The following SNX25 variants were observed in gnomAD, a reference collection of about 807,000 sequenced individuals.
SNX25 encodes the protein sorting nexin-25.
Under a neutral mutation model 113.7 loss-of-function variants are expected in SNX25, and 62 were observed. That is an observed-to-expected ratio of 0.55 (90% confidence interval 0.44 to 0.67). SNX25 has a LOEUF of 0.67. SNX25 is among the 30% of genes least tolerant of loss of function. SNX25 has a pLI of 0.00. For missense variants in SNX25, 1,014 were observed against 1,161.0 expected, an observed-to-expected ratio of 0.87 and a Z score of 1.84; for synonymous variants, 421 against 436.2, an observed-to-expected ratio of 0.97 and a Z score of 0.43.
chr4:185,357,977 C>T (rs1167252211), intron 16 of SNX25, among the ~76,000 whole-genome samples: 3 of 152,136 alleles, frequency 2.0e-5, no homozygotes, highest in Non-Finnish European at 2.9e-5. Context: ...CTCTGACTGG[C>T]GAGGGTCAGG....
rs551389233 is a variant in SNX25, at chr4:185,342,892, T to A, written c.2187+776T>A. 1.4e-4 allele frequency among the ~76,000 whole-genome samples: 22 copies of A among 152,168 alleles called. No individual in the cohort carries two copies. The East Asian group carries it at 1.5e-3, about 11-fold the overall frequency. On this transcript the variant is annotated intron_variant, in intron 12 of 18. Transcript: ENST00000652585. ...TATTTATTTATTTATCTATTTATTT[T>A]TATATATATATTTTTTGAGACGGAG... is the stretch of plus-strand genomic sequence containing the variant.
In SNX25 at chr4:185,210,690, G is replaced by A. The variant is rs1295814741; in HGVS notation, c.429+435G>A. On this transcript the variant is annotated intron_variant, in intron 1 of 18. Transcript: ENST00000652585. This position sits in a 1 kb window ranked among gnomAD's most constrained non-coding sequence, Gnocchi z 4.4. ...GGAGGCAACTTTATGACCGTTTGCC[G>A]ATGAGGAAACTTGCTTCGGTCCCTG... Among the ~76,000 whole-genome samples, 1 of 151,848 alleles carries A rather than the reference G, an allele frequency of 6.6e-6. No individual in the cohort carries two copies. The highest frequency in any genetic ancestry group is 2.4e-5 in the African/African-American group (1 of 41,344).
At chr4:185,374,054 C>T (rs1481762329), downstream of SNX25, 2 of 1,138,770 alleles carry the variant, frequency 1.8e-6, no homozygotes, top group Non-Finnish European at 2.6e-6. Context: ...AAACGACATT[C>T]CCCACCATTT....
intron 6 of SNX25, among the ~76,000 whole-genome samples, chr4:185,299,523 C>G (rs1753332726): frequency 6.6e-6 from 1 of 152,124 alleles, no homozygotes; most frequent in African/African-American, 2.4e-5. Context: ...CCGACTGGTT[C>G]CCTGATGATG....
At chr4:185,316,272 T>C (rs1475387837) in intron 7 of SNX25, among the ~76,000 whole-genome samples, 3 of 152,204 alleles carry the variant, frequency 2.0e-5, no homozygotes, top group Non-Finnish European at 4.4e-5. Flanking sequence ...AGAACAGTTA[T>C]TATTAACAAG....
chr4:185,295,065 A>G lies in SNX25; in HGVS notation c.1162+6983A>G, dbSNP rs913873277. On this transcript the variant is annotated intron_variant, in intron 6 of 18. Transcript: ENST00000652585. The stretch of plus-strand genomic sequence containing the variant: ...ATTGACCTTCCCTTTAATTTATTTC[A>G]ATAAGAATGTGTTTCCCCCTCCCAT... Among the ~76,000 whole-genome samples, 10 of 152,280 alleles carry G rather than the reference A, an allele frequency of 6.6e-5. 1 individual carries two copies. The South Asian group carries it at 2.1e-3, about 32-fold the overall frequency.
In SNX25 at chr4:185,264,615, A is replaced by G. The variant is rs1450862703; in HGVS notation, c.904+5A>G. ...CAGAAATTCTCACAACAAAAGGTAG[A>G]CTTATACAGTTGATTTCACTAATTC... On this transcript the variant is annotated splice_donor_5th_base_variant and intron_variant, in intron 4 of 18. Transcript: ENST00000652585. 3 of 1,613,456 alleles carry G rather than the reference A, an allele frequency of 1.9e-6. No homozygotes were observed. In the South Asian group the frequency reaches 3.3e-5, roughly 18 times the overall value.
Position 185,363,266 on chromosome 4 carries a change from TG to T in SNX25, c.2935-118del. The T allele has an allele frequency of 1.2e-6, 1 of 826,532 alleles. No individual in the cohort carries two copies. 51.2% of individuals were successfully genotyped at this position (826,532 alleles called of 1,614,324 possible). ...TATTAAATACTGTTTGAGAGTTACTTGTTTACTGAGATAATTTCAGACCTAA... is the reference window on the plus strand; with the variant it reads ...TATTAAATACTGTTTGAGAGTTACTTTTTACTGAGATAATTTCAGACCTAA... On this transcript the variant is annotated intron_variant, in intron 18 of 18. Coordinates refer to ENST00000652585, the MANE Select transcript of SNX25 (RefSeq NM_001378034.2). This position sits in a 1 kb window ranked among gnomAD's most constrained non-coding sequence, Gnocchi z 4.2.
chr4:185,225,487 T>C (rs1389298184), intron 1 of SNX25, among the ~76,000 whole-genome samples: 1 of 152,228 alleles, frequency 6.6e-6, no homozygotes, highest in Non-Finnish European at 1.5e-5. Context: ...TAATCCTCTA[T>C]GTCATTTGCT....
chr4:185,249,331 A>G (rs1745313953), intron 2 of SNX25, among the ~76,000 whole-genome samples: 1 of 152,136 alleles, frequency 6.6e-6, no homozygotes, highest in African/African-American at 2.4e-5. Context: ...TCTTTTAGCC[A>G]TTCTGATGGG....
In SNX25 at chr4:185,264,600, C is replaced by T. The variant is rs753143497; in HGVS notation, c.894C>T (p.Leu298=). The change falls in exon 4 of 19, where the codon CTC becomes CTT. Residue 298 remains leucine, a synonymous_variant. Coordinates refer to ENST00000652585, the MANE Select transcript of SNX25 (RefSeq NM_001378034.2). ...TACGTATAATGCTTGCAGAAATTCT[C>T]ACAACAAAAGGTAGACTTATACAGT... The part of the protein sequence containing the change: ...LSLRIMLAEI[L]TTKVLKPVVE... 1.2e-6 allele frequency: 2 copies of T among 1,613,916 alleles called. No homozygotes were observed. The highest frequency in any genetic ancestry group is 1.7e-6 in the Non-Finnish European group (2 of 1,179,854).
In SNX25 at chr4:185,217,045, G is replaced by T. The variant is rs146579135; in HGVS notation, c.429+6790G>T. On this transcript the variant is annotated intron_variant, in intron 1 of 18. Transcript: ENST00000652585. ...GAACTGAATTTTAGTCTTCAGGCAT[G>T]GTCACTGTTGGCATTTTCTGAGCCC... Among the ~76,000 whole-genome samples the T allele has an allele frequency of 1.6e-3, 237 of 152,290 alleles. 1 individual carries two copies. The highest frequency in any genetic ancestry group is 5.4e-3 in the African/African-American group (224 of 41,556).
intron 7 of SNX25, among the ~76,000 whole-genome samples, chr4:185,311,798 G>T (rs1398582941): frequency 3.3e-5 from 5 of 151,990 alleles, no homozygotes. Flanking sequence ...TTAGTTTCTG[G>T]CTAGTCTCTG....
At chr4:185,276,479 C>A (rs753634393) in intron 5 of SNX25, among the ~76,000 whole-genome samples, 2 of 152,176 alleles carry the variant, frequency 1.3e-5, no homozygotes, top group African/African-American at 4.8e-5. Context: ...ATAAAACAAA[C>A]AAGACCAAAA....
At chr4:185,280,175 C>T (rs1240185601) in intron 5 of SNX25, among the ~76,000 whole-genome samples, 1 of 152,104 alleles carries the variant, frequency 6.6e-6, no homozygotes, top group Non-Finnish European at 1.5e-5. Flanking sequence ...CTTGGCCTCC[C>T]AAAGTATTGG....
intron 4 of SNX25, 45 bp downstream of exon 4, chr4:185,264,655 C>G (rs1199408954): frequency 6.3e-7 from 1 of 1,581,724 alleles, no homozygotes; most frequent in African/African-American, 1.3e-5. Flanking sequence ...AGTGTGCAAA[C>G]TAATGTGCTA....
At chr4:185,230,470 G>T (rs144906018) in intron 1 of SNX25, among the ~76,000 whole-genome samples, 4,958 of 149,102 alleles carry the variant, frequency 0.033, 282 homozygotes, top group African/African-American at 0.11. Context: ...ATCAGCTCAC[G>T]CAACATCCGC....
intron 6 of SNX25, chr4:185,295,996 G>A (rs943347584): frequency 2.0e-5 from 3 of 152,162 alleles, no homozygotes; most frequent in African/African-American, 7.2e-5. Context: ...TGGAGTTTGG[G>A]AATCCAGGAT....
At chr4:185,335,511 G>A (rs1219538997) in intron 10 of SNX25, among the ~76,000 whole-genome samples, 1 of 152,164 alleles carries the variant, frequency 6.6e-6, no homozygotes, top group African/African-American at 2.4e-5. Context: ...ACATAGTGGT[G>A]CAGACTTCTC....
Sources: allele counts gnomAD v4.1 joint callset (sites outside exome capture counted in the v4.1 genomes callset), GRCh38; gene constraint gnomAD v4.1.1; non-coding constraint Gnocchi (gnomAD v3.1); transcripts MANE v1.5; gene names NCBI Gene and HGNC (gene_info 2026-07-23, HGNC 2026-07-21).